CHRM2: variants seen among roughly 807,000 people sequenced by gnomAD.
CHRM2 encodes cholinergic receptor muscarinic 2.
A neutral mutation model predicts 25.0 loss-of-function variants in CHRM2; 8 were observed. That is an observed-to-expected ratio of 0.32 (90% CI 0.19 to 0.58). CHRM2 has a LOEUF of 0.58. Ranked by LOEUF, CHRM2 falls within the 20% of genes least tolerant of loss-of-function variation. The pLI is 0.88. For missense variants in CHRM2, 440 were observed against 567.1 expected (o/e 0.78, Z 2.28); for synonymous variants, 202 against 205.7 (o/e 0.98, Z 0.15).
At chr7:136,968,803 T>C (rs979165139) in intron 2 of CHRM2, among the ~76,000 whole-genome samples, 10 of 149,832 alleles carry the variant, frequency 6.7e-5, no homozygotes, top group African/African-American at 2.2e-4. Flanking sequence ...TGTGCTGCAA[T>C]ATGGATGAAA....
intron 2 of CHRM2, among the ~76,000 whole-genome samples, chr7:136,975,350 C>G (rs966583793): frequency 3.3e-5 from 5 of 152,032 alleles, no homozygotes; most frequent in African/African-American, 1.2e-4. Context: ...TAAACATGGT[C>G]CATAGCCTTT....
At chr7:136,978,901 C>T (rs1036263683) in intron 2 of CHRM2, among the ~76,000 whole-genome samples, 13 of 152,102 alleles carry the variant, frequency 8.5e-5, no homozygotes, top group African/African-American at 3.1e-4. Flanking sequence ...AATAGTGCTA[C>T]AATAAACATA....
At chr7:136,974,125 T>C (rs1023776215) in intron 2 of CHRM2, among the ~76,000 whole-genome samples, 6 of 152,176 alleles carry the variant, frequency 3.9e-5, no homozygotes, top group African/African-American at 1.4e-4. Context: ...ATGATTTATG[T>C]CACCTGAATT....
At chr7:136,944,898 TC>T (rs1166047756) in intron 2 of CHRM2, among the ~76,000 whole-genome samples, 1 of 151,994 alleles carries the variant, frequency 6.6e-6, no homozygotes, top group Admixed American at 6.6e-5. Context: ...TTTCACCACA[TC>T]CATACCAACA....
At chr7:136,924,502 G>T (rs1798631156) in intron 2 of CHRM2, among the ~76,000 whole-genome samples, 1 of 151,930 alleles carries the variant, frequency 6.6e-6, no homozygotes, top group African/African-American at 2.4e-5. Context: ...GAGAATGATG[G>T]TTTCCAGCTT....
chr7:136,873,081 C>T (rs930979079), intron 2 of CHRM2, among the ~76,000 whole-genome samples: 2 of 152,220 alleles, frequency 1.3e-5, no homozygotes, highest in Non-Finnish European at 2.9e-5. Context: ...GATTTTATGA[C>T]ATGGACTCTC....
chr7:136,977,170 T>A (rs888222373), intron 2 of CHRM2, among the ~76,000 whole-genome samples: 3 of 152,176 alleles, frequency 2.0e-5, no homozygotes, highest in African/African-American at 7.2e-5. Flanking sequence ...TGTGGATAAA[T>A]TATCCCAAGA....
At chr7:136,914,623 G>A (rs1798007158) in intron 2 of CHRM2, among the ~76,000 whole-genome samples, 1 of 151,838 alleles carries the variant, frequency 6.6e-6, no homozygotes, top group Non-Finnish European at 1.5e-5. Flanking sequence ...TTATATCAGA[G>A]AAAAAATGTT....
chr7:136,928,578 T>C (rs1368430100), intron 2 of CHRM2, among the ~76,000 whole-genome samples: 1 of 152,186 alleles, frequency 6.6e-6, no homozygotes, highest in Non-Finnish European at 1.5e-5. Flanking sequence ...ACTGATTGAG[T>C]TAGCAGTGTG....
chr7:136,894,643 A>T (rs751591592), intron 2 of CHRM2, among the ~76,000 whole-genome samples: 11 of 152,188 alleles, frequency 7.2e-5, no homozygotes, highest in Non-Finnish European at 5.9e-5. Flanking sequence ...AAGTGCTGGG[A>T]TTACAGGTGT....
chr7:137,001,096 GA>G (rs1804004794), intron 3 of CHRM2, among the ~76,000 whole-genome samples: 1 of 152,100 alleles, frequency 6.6e-6, no homozygotes, highest in African/African-American at 2.4e-5. Flanking sequence ...TTGGAAATCT[GA>G]GGATGTACTG....
intron 2 of CHRM2, among the ~76,000 whole-genome samples, chr7:136,893,515 T>C (rs981538725): frequency 6.6e-6 from 1 of 152,302 alleles, no homozygotes; most frequent in Non-Finnish European, 1.5e-5. Flanking sequence ...CTAAGATAAC[T>C]TCCTCCTCAC....
intron 2 of CHRM2, among the ~76,000 whole-genome samples, chr7:136,875,132 T>A (rs913759648): frequency 1.3e-5 from 2 of 150,118 alleles, no homozygotes; most frequent in African/African-American, 2.4e-5. Context: ...TATACATATA[T>A]ATACACACAC....
chr7:136,872,027 C>T (rs1795860285), intron 2 of CHRM2: 6 of 152,112 alleles, frequency 3.9e-5, no homozygotes, highest in Admixed American at 2.6e-4. Flanking sequence ...AAAAATTTAA[C>T]CTGACCCTAA....
intron 2 of CHRM2, among the ~76,000 whole-genome samples, chr7:136,904,302 T>C (rs1797409209): frequency 6.6e-6 from 1 of 151,860 alleles, no homozygotes; most frequent in African/African-American, 2.4e-5. Context: ...TTTACAACAG[T>C]TTTAAAAATT....
chr7:136,944,351 A>T (rs1397168096), intron 2 of CHRM2, among the ~76,000 whole-genome samples: 1 of 121,836 alleles, frequency 8.2e-6, no homozygotes, highest in Non-Finnish European at 1.7e-5. Flanking sequence ...TTGTTTTTTC[A>T]CTCTCGAGTT....
intron 3 of CHRM2, among the ~76,000 whole-genome samples, chr7:136,994,662 G>A (rs748042114): frequency 6.0e-5 from 9 of 149,834 alleles, no homozygotes; most frequent in South Asian, 2.1e-4. Flanking sequence ...AAAGAAAGAC[G>A]TTTAGCACTA....
chr7:136,993,423 G>A (rs972931493), intron 3 of CHRM2, among the ~76,000 whole-genome samples: 1 of 152,172 alleles, frequency 6.6e-6, no homozygotes, highest in African/African-American at 2.4e-5. Flanking sequence ...TTGACAGTGG[G>A]CCAATTGTTT....
At chr7:136,872,688 G>A (rs1202872567) in intron 2 of CHRM2, among the ~76,000 whole-genome samples, 1 of 152,170 alleles carries the variant, frequency 6.6e-6, no homozygotes, top group Non-Finnish European at 1.5e-5. Flanking sequence ...AAGTTAGGCT[G>A]GCTAATTAGG....
Sources: allele counts gnomAD v4.1 joint callset (sites outside exome capture counted in the v4.1 genomes callset), GRCh38; gene constraint gnomAD v4.1.1; transcripts MANE v1.5; gene names NCBI Gene and HGNC (gene_info 2026-07-23, HGNC 2026-07-21).